The following SNCAIP variants were observed in gnomAD, a reference collection of about 807,000 sequenced individuals.
SNCAIP encodes synuclein alpha interacting protein.
Under a neutral mutation model 86.7 loss-of-function variants are expected in SNCAIP, and 43 were observed. That is an observed-to-expected ratio of 0.50 (90% CI 0.39 to 0.64). SNCAIP has a LOEUF of 0.64. Ranked by LOEUF, SNCAIP falls within the 30% of genes least tolerant of loss-of-function variation. SNCAIP has a pLI of 0.00. For missense variants in SNCAIP, 981 were observed against 1,103.1 expected, an observed-to-expected ratio of 0.89 and a Z score of 1.57; for synonymous variants, 417 against 427.2, an observed-to-expected ratio of 0.98 and a Z score of 0.29.
intron 6 of SNCAIP, among the ~76,000 whole-genome samples, chr5:122,433,970 T>C (rs1303720119): frequency 6.6e-6 from 1 of 152,188 alleles, no homozygotes; most frequent in African/African-American, 2.4e-5. Flanking sequence ...AAACAATCAA[T>C]ACCCTATAGT....
At chr5:122,326,449 A>G (rs1338418291) in intron 1 of SNCAIP, among the ~76,000 whole-genome samples, 1 of 152,132 alleles carries the variant, frequency 6.6e-6, no homozygotes, top group Non-Finnish European at 1.5e-5. Flanking sequence ...TCATCTTGAA[A>G]AACAAAACAT....
chr5:122,330,117 C>CCTTT (rs1415466705), intron 1 of SNCAIP, among the ~76,000 whole-genome samples: 1 of 96,850 alleles, frequency 1.0e-5, no homozygotes, highest in African/African-American at 4.3e-5. Context: ...AACTTCATTT[C>CCTTT]TTTTTTTTTT....
intron 1 of SNCAIP, among the ~76,000 whole-genome samples, chr5:122,324,049 G>T (rs1482575250): frequency 6.6e-6 from 1 of 152,190 alleles, no homozygotes; most frequent in Non-Finnish European, 1.5e-5. Context: ...AGGACCAGGT[G>T]TGAAAGAGTG....
At chr5:122,336,174 AAGAG>A (rs754249500) in intron 1 of SNCAIP, among the ~76,000 whole-genome samples, 5 of 149,266 alleles carry the variant, frequency 3.3e-5, no homozygotes, top group Non-Finnish European at 7.4e-5. Context: ...ACTGGTTATC[AAGAG>A]AGAGAGAGAG....
intron 2 of SNCAIP, among the ~76,000 whole-genome samples, chr5:122,396,099 G>A (rs1229446163): frequency 2.0e-5 from 3 of 152,116 alleles, no homozygotes; most frequent in Non-Finnish European, 4.4e-5. Context: ...GCTTTATGCA[G>A]TGTTTTTTTG....
rs780753784 is a variant in SNCAIP, at chr5:122,422,944, G to A, written c.207G>A (p.Val69=). 12 of 1,614,032 alleles carry A rather than the reference G, an allele frequency of 7.4e-6. No individual in the cohort carries two copies. In the African/African-American group the frequency reaches 1.5e-4, roughly 20 times the overall value. Residue 69 remains valine, a synonymous_variant, in exon 4 of 11, where the codon GTG becomes GTA. Transcript: ENST00000261368. ...AAAAGCCCACAGGAATCGCTGATGT[G>A]TACAGTAAGTTCCGCCCAGTGAAGC... ...NTQKPTGIAD[V]YSKFRPVKRV...
chr5:122,430,781 A>C (rs958487537), intron 5 of SNCAIP, among the ~76,000 whole-genome samples: 1 of 152,082 alleles, frequency 6.6e-6, no homozygotes, highest in African/African-American at 2.4e-5. Flanking sequence ...ATAAACGACT[A>C]TAAGAAAATC....
At chr5:122,431,798 C>G (rs1178588516) in intron 5 of SNCAIP, among the ~76,000 whole-genome samples, 171 bp from the exon 6 acceptor site, 2 of 151,976 alleles carry the variant, frequency 1.3e-5, no homozygotes, top group Non-Finnish European at 2.9e-5. Flanking sequence ...CGAGCCAAAT[C>G]CACAGATCAG....
intron 2 of SNCAIP, among the ~76,000 whole-genome samples, chr5:122,393,772 C>T (rs1769970836): frequency 6.6e-6 from 1 of 152,170 alleles, no homozygotes; most frequent in African/African-American, 2.4e-5. Flanking sequence ...ACTGAAGACG[C>T]TCTACTTTGG....
chr5:122,327,959 T>C (rs1386745424), intron 1 of SNCAIP, among the ~76,000 whole-genome samples: 1 of 152,128 alleles, frequency 6.6e-6, no homozygotes, highest in East Asian at 1.9e-4. Flanking sequence ...AAAAGTCTCA[T>C]GTGATTTAGG....
chr5:122,460,912 C>T (rs914447541), intron 10 of SNCAIP, among the ~76,000 whole-genome samples: 1 of 152,194 alleles, frequency 6.6e-6, no homozygotes, highest in African/African-American at 2.4e-5. Flanking sequence ...ACACAGCTAT[C>T]ATCCTGGAGT....
intron 2 of SNCAIP, chr5:122,401,141 T>C: frequency 6.5e-7 from 1 of 1,547,396 alleles, no homozygotes; most frequent in Non-Finnish European, 8.7e-7. Context: ...GTTGGCGAAC[T>C]GACAGTTACT....
intron 10 of SNCAIP, among the ~76,000 whole-genome samples, chr5:122,459,997 T>A (rs1489538520): frequency 6.6e-6 from 1 of 152,176 alleles, no homozygotes; most frequent in Non-Finnish European, 1.5e-5. Flanking sequence ...GGCATTCTAC[T>A]ATAGAAAATC....
At chr5:122,408,245 G>T (rs1163159636) in intron 3 of SNCAIP, among the ~76,000 whole-genome samples, 1 of 152,174 alleles carries the variant, frequency 6.6e-6, no homozygotes, top group East Asian at 1.9e-4. Context: ...AGTCCCCTGG[G>T]TTTCCCACAT....
At chr5:122,416,587 A>T (rs1244799240) in intron 3 of SNCAIP, among the ~76,000 whole-genome samples, 1 of 152,180 alleles carries the variant, frequency 6.6e-6, no homozygotes, top group African/African-American at 2.4e-5. Flanking sequence ...TCATGGTCTC[A>T]TCTCTCAGGA....
chr5:122,371,512 A>G (rs1287581534), intron 1 of SNCAIP: 1 of 152,204 alleles, frequency 6.6e-6, no homozygotes, highest in Non-Finnish European at 1.5e-5. Flanking sequence ...AGAAGGGAGA[A>G]GACAAATTGC....
intron 10 of SNCAIP, among the ~76,000 whole-genome samples, chr5:122,456,065 AT>A: frequency 6.6e-6 from 1 of 152,336 alleles, no homozygotes; most frequent in Admixed American, 6.5e-5. Context: ...GTGAGCAGTG[AT>A]TCCAGTTACT....
intron 3 of SNCAIP, among the ~76,000 whole-genome samples, chr5:122,411,315 T>G (rs1356561144): frequency 1.3e-5 from 2 of 152,090 alleles, no homozygotes; most frequent in African/African-American, 4.8e-5. Context: ...TTCTCACAAG[T>G]CCCCATCCTG....
At chr5:122,391,804 C>G (rs185885366) in intron 2 of SNCAIP, among the ~76,000 whole-genome samples, 156 of 152,284 alleles carry the variant, frequency 1.0e-3, no homozygotes, top group Middle Eastern at 6.8e-3. Flanking sequence ...CTGCTTAAAT[C>G]AGGACTGCTT....
Sources: allele counts gnomAD v4.1 joint callset (sites outside exome capture counted in the v4.1 genomes callset), GRCh38; gene constraint gnomAD v4.1.1; transcripts MANE v1.5; gene names NCBI Gene and HGNC (gene_info 2026-07-23, HGNC 2026-07-21).